DEUP1: variants seen among roughly 807,000 people sequenced by gnomAD.
DEUP1 encodes deuterosome assembly protein 1, also known as coiled-coil domain containing 67.
A neutral mutation model predicts 87.4 loss-of-function variants in DEUP1; 82 were observed. The ratio of observed to expected loss-of-function variants is 0.94; its 90% confidence interval spans 0.78 to 1.13. DEUP1 has a LOEUF of 1.13. DEUP1 is among the 50% of genes most tolerant of loss of function. The pLI, the probability that DEUP1 is intolerant of heterozygous loss-of-function variation, is 0.00. For missense variants in DEUP1, 663 were observed against 681.5 expected (o/e 0.97, Z 0.30); for synonymous variants, 214 against 222.7 (o/e 0.96, Z 0.35).
At chr11:93,415,365 G>T (rs1947581645) in intron 13 of DEUP1, among the ~76,000 whole-genome samples, 1 of 152,006 alleles carries the variant, frequency 6.6e-6, no homozygotes, top group African/African-American at 2.4e-5. Context: ...ACTGGAGATG[G>T]TGTTTTTTAA....
chr11:93,428,129 T>A (rs2134491336), intron 13 of DEUP1, among the ~76,000 whole-genome samples: 1 of 152,262 alleles, frequency 6.6e-6, no homozygotes, highest in East Asian at 1.9e-4. Context: ...CATGCTGCTA[T>A]AAAGACACAT....
At chr11:93,395,057 T>C (rs925376362) in intron 10 of DEUP1, among the ~76,000 whole-genome samples, 3 of 152,148 alleles carry the variant, frequency 2.0e-5, no homozygotes, top group Non-Finnish European at 4.4e-5. Flanking sequence ...CCCCCACACT[T>C]CATGTATTTC....
intron 12 of DEUP1, among the ~76,000 whole-genome samples, chr11:93,409,195 C>A (rs1285958529): frequency 1.3e-5 from 2 of 152,140 alleles, no homozygotes; most frequent in Non-Finnish European, 2.9e-5. Context: ...GCAGTGGCAA[C>A]AAATTATTGG....
chr11:93,394,359 C>T, intron 9 of DEUP1, 100 bp from the exon 10 acceptor site: 1 of 819,440 alleles, frequency 1.2e-6, no homozygotes, highest in Non-Finnish European at 1.8e-6. Flanking sequence ...TGGGCCCTGA[C>T]AAAGTTTCAG....
At chr11:93,427,121 C>G (rs1187709314) in intron 13 of DEUP1, among the ~76,000 whole-genome samples, 3 of 147,650 alleles carry the variant, frequency 2.0e-5, no homozygotes, top group African/African-American at 7.6e-5. Context: ...TTGGAAGAAA[C>G]TACTTTAAAG....
chr11:93,335,003 T>C (rs958739603), intron 2 of DEUP1, among the ~76,000 whole-genome samples: 1 of 152,178 alleles, frequency 6.6e-6, no homozygotes, highest in African/African-American at 2.4e-5. Flanking sequence ...AAAATGTGCT[T>C]CAGTTATTTT....
chr11:93,362,471 T>C (rs1158822836), intron 4 of DEUP1, among the ~76,000 whole-genome samples: 1 of 151,858 alleles, frequency 6.6e-6, no homozygotes, highest in Admixed American at 6.6e-5. Context: ...CTTAACATCA[T>C]TAGTCATTAG....
rs560790082 is a variant in DEUP1 at position 93,408,287 on chromosome 11, A to G, written c.1383A>G (p.Gln461=). Residue 461 remains glutamine (Q), a synonymous_variant, in exon 12 of 14, where the codon CAA becomes CAG. Transcript: ENST00000298050. ...GGCATACATCTATTAATAAACTGCAATATGAGAATGAAAGGCTCCGAAATG... is the reference window on the plus strand; with the variant it reads ...GGCATACATCTATTAATAAACTGCAGTATGAGAATGAAAGGCTCCGAAATG... ...QSRHTSINKL[Q]YENERLRNDL... 16 of 1,585,618 alleles carry G rather than the reference A, an allele frequency of 1.0e-5. No individual in the cohort carries two copies. Among genetic ancestry groups the G allele is most frequent in the East Asian group, 4.5e-5 (2 of 44,010 alleles).
At chr11:93,376,371 T>A (rs1050781379) in intron 7 of DEUP1, among the ~76,000 whole-genome samples, 1 of 152,214 alleles carries the variant, frequency 6.6e-6, no homozygotes, top group Non-Finnish European at 1.5e-5. Context: ...TTTCCGGGAA[T>A]TTGTCATCTT....
chr11:93,353,211 T>C (rs1195350740), intron 2 of DEUP1, among the ~76,000 whole-genome samples: 1 of 152,188 alleles, frequency 6.6e-6, no homozygotes, highest in Admixed American at 6.5e-5. Flanking sequence ...ACAGGCCCCA[T>C]GCATGTTTGA....
At chr11:93,370,225 A>G (rs1247862919) in intron 6 of DEUP1, 39 bp downstream of exon 6, 1 of 1,051,776 alleles carries the variant, frequency 9.5e-7, no homozygotes, top group East Asian at 2.5e-5. Flanking sequence ...CAAAAGCAGA[A>G]GTTAAATATT....
chr11:93,380,007 C>G (rs1197266745), intron 7 of DEUP1, among the ~76,000 whole-genome samples: 1 of 152,108 alleles, frequency 6.6e-6, no homozygotes. Context: ...ATTAGTGGCT[C>G]TATACTGCAG....
At chr11:93,331,338 T>G (rs1485419273) in intron 1 of DEUP1, among the ~76,000 whole-genome samples, 1 of 151,904 alleles carries the variant, frequency 6.6e-6, no homozygotes, top group African/African-American at 2.4e-5. Context: ...AGATTATTTT[T>G]TAACTAAAAT....
intron 12 of DEUP1, among the ~76,000 whole-genome samples, chr11:93,412,719 G>A (rs1269116860): frequency 1.3e-5 from 2 of 151,660 alleles, no homozygotes; most frequent in African/African-American, 2.4e-5. Context: ...TTTTTTCACC[G>A]TGCTTTGAAG....
At chr11:93,414,242 G>A (rs769452326) in intron 12 of DEUP1, among the ~76,000 whole-genome samples, 3 of 152,064 alleles carry the variant, frequency 2.0e-5, no homozygotes, top group African/African-American at 7.2e-5. Context: ...CTGGGCGCAC[G>A]GTGACTCATG....
chr11:93,371,338 A>T lies in DEUP1; in HGVS notation c.789+58A>T, dbSNP rs1370824528. On this transcript the variant is annotated intron_variant, in intron 7 of 13. Coordinates refer to ENST00000298050, the MANE Select transcript of DEUP1 (RefSeq NM_181645.4). ...CCATGACTTGTATAAATGGTAACACATATAGAGATTAGAATGATTAGAATG... is the reference window on the plus strand; with the variant it reads ...CCATGACTTGTATAAATGGTAACACTTATAGAGATTAGAATGATTAGAATG... 6.0e-6 allele frequency: 9 copies of T among 1,495,560 alleles called. No individual in the cohort carries two copies. The East Asian group carries it at 2.0e-4, about 34-fold the overall frequency. 92.6% of individuals were successfully genotyped at this position (1,495,560 alleles called of 1,614,324 possible).
intron 13 of DEUP1, among the ~76,000 whole-genome samples, chr11:93,430,636 A>T (rs1464901045): frequency 6.6e-6 from 1 of 152,198 alleles, no homozygotes; most frequent in Admixed American, 6.5e-5. Context: ...TTCATTACGG[A>T]TAATGAAACT....
intron 11 of DEUP1, among the ~76,000 whole-genome samples, chr11:93,406,569 T>C (rs555424743): frequency 1.3e-5 from 2 of 151,816 alleles, no homozygotes; most frequent in South Asian, 4.2e-4. Flanking sequence ...AGAAAAAATA[T>C]AAAAGCAAGG....
intron 7 of DEUP1, among the ~76,000 whole-genome samples, chr11:93,371,707 T>C (rs1292693142): frequency 6.6e-6 from 1 of 152,200 alleles, no homozygotes; most frequent in Admixed American, 6.5e-5. Context: ...CAGTGATTTA[T>C]CACTGGTAAT....
Sources: gnomAD v4.1 joint callset for allele counts (sites outside exome capture counted in the v4.1 genomes callset) on GRCh38, gnomAD v4.1.1 for gene constraint, MANE v1.5 for transcripts, NCBI Gene and HGNC (gene_info 2026-07-23, HGNC 2026-07-21) for gene names.